ACTR3C: variants seen among roughly 807,000 people sequenced by gnomAD.
The protein encoded by ACTR3C is actin-related protein 3C.
ACTR3C carries 18 observed loss-of-function variants against 26.3 expected under a neutral mutation model. The ratio of observed to expected loss-of-function variants is 0.68; its 90% CI spans 0.47 to 1.01. The LOEUF is 1.01. Among genes scored for constraint, ACTR3C ranks in the 50% least tolerant of loss-of-function variants. The pLI is 0.00. For synonymous variants in ACTR3C, 55 were observed against 94.5 expected (o/e 0.58, Z 2.42); for missense variants, 184 against 250.7 (o/e 0.73, Z 1.80).
the ACTR3C span, among the ~76,000 whole-genome samples, chr7:149,931,014 C>A: frequency 0.065 from 8,206 of 126,906 alleles, no homozygotes; most frequent in African/African-American, 0.21. Context: ...TACAGGCACC[C>A]GCCACCATGC....
the ACTR3C span, among the ~76,000 whole-genome samples, chr7:150,100,524 C>G: frequency 6.6e-6 from 1 of 151,632 alleles, no homozygotes; most frequent in African/African-American, 2.4e-5. Context: ...CTGGTTCTGA[C>G]AATCATAAAA....
chr7:150,038,155 G>A, the ACTR3C span, among the ~76,000 whole-genome samples: 4 of 142,836 alleles, frequency 2.8e-5, no homozygotes, highest in Middle Eastern at 3.5e-3. Context: ...ATCACAAAAT[G>A]GGGGGCCTTT....
chr7:150,197,885 C>T, the ACTR3C span, among the ~76,000 whole-genome samples: 8 of 149,590 alleles, frequency 5.3e-5, no homozygotes, highest in Admixed American at 1.3e-4. Flanking sequence ...CCTCTCCCCA[C>T]GGTCTCCCTC....
chr7:150,016,673 C>T, the ACTR3C span, among the ~76,000 whole-genome samples: 38 of 152,126 alleles, frequency 2.5e-4, no homozygotes, highest in East Asian at 6.0e-3. Context: ...AACTTACAGA[C>T]GGAGGTATGA....
chr7:150,313,775 G>A (rs531781110), intron 1 of ACTR3C, among the ~76,000 whole-genome samples: 1 of 152,248 alleles, frequency 6.6e-6, no homozygotes, highest in African/African-American at 2.4e-5. Flanking sequence ...GTGTGTTATG[G>A]ATACACACAT....
the ACTR3C span, among the ~76,000 whole-genome samples, chr7:150,043,142 C>T: frequency 6.6e-6 from 1 of 150,966 alleles, no homozygotes; most frequent in Non-Finnish European, 1.5e-5. Context: ...TCCCGAGCTG[C>T]GTTCGGACCC....
the ACTR3C span, among the ~76,000 whole-genome samples, chr7:150,039,401 G>C: frequency 1.5e-3 from 97 of 64,614 alleles, 2 homozygotes; most frequent in African/African-American, 4.8e-3. Context: ...CGGGGGGGAA[G>C]AGGGACTGGC....
chr7:150,107,936 T>C, the ACTR3C span, among the ~76,000 whole-genome samples: 2 of 152,012 alleles, frequency 1.3e-5, no homozygotes, highest in Admixed American at 6.6e-5. Flanking sequence ...CATTTGGTCG[T>C]AGTGTCAATT....
the ACTR3C span, among the ~76,000 whole-genome samples, chr7:149,962,925 A>C: frequency 6.6e-6 from 1 of 152,216 alleles, no homozygotes; most frequent in Non-Finnish European, 1.5e-5. Context: ...CCCTGTGCAC[A>C]GTGGAAAACC....
chr7:150,148,513 A>G, the ACTR3C span, among the ~76,000 whole-genome samples: 1 of 152,118 alleles, frequency 6.6e-6, no homozygotes, highest in East Asian at 1.9e-4. Flanking sequence ...TGCCCACTTC[A>G]ATCTACTTGC....
the ACTR3C span, among the ~76,000 whole-genome samples, chr7:150,082,458 C>G: frequency 6.6e-6 from 1 of 152,108 alleles, no homozygotes; most frequent in African/African-American, 2.4e-5. Context: ...TGATCAGTGC[C>G]AAAGAAAGCA....
At chr7:150,095,272 C>T in the ACTR3C span, among the ~76,000 whole-genome samples, 2 of 149,784 alleles carry the variant, frequency 1.3e-5, no homozygotes, top group African/African-American at 2.5e-5. Context: ...AACCACCAAG[C>T]GTTCGACCTT....
the ACTR3C span, among the ~76,000 whole-genome samples, chr7:149,947,132 C>T: frequency 2.6e-5 from 4 of 151,520 alleles, no homozygotes; most frequent in South Asian, 4.2e-4. Context: ...GCCACTGCTC[C>T]GTCTTCTCTT....
chr7:150,077,052 C>T, the ACTR3C span, among the ~76,000 whole-genome samples: 2 of 152,020 alleles, frequency 1.3e-5, no homozygotes, highest in African/African-American at 4.8e-5. Context: ...GTAATTCCAG[C>T]TACTTGGGAG....
At chr7:150,257,491 C>T (rs566349539) in intron 6 of ACTR3C, among the ~76,000 whole-genome samples, 2 of 152,300 alleles carry the variant, frequency 1.3e-5, no homozygotes, top group East Asian at 3.9e-4. Flanking sequence ...GAAGGAAATG[C>T]TAATATAGCC....
chr7:150,312,320 T>C (rs1796397721), intron 1 of ACTR3C, among the ~76,000 whole-genome samples: 1 of 152,216 alleles, frequency 6.6e-6, no homozygotes, highest in African/African-American at 2.4e-5. Context: ...ATTTTACTTA[T>C]TATCTCTCCT....
At chr7:150,237,564 T>A in the ACTR3C span, among the ~76,000 whole-genome samples, 1 of 152,044 alleles carries the variant, frequency 6.6e-6, no homozygotes, top group East Asian at 1.9e-4. Context: ...ACCTTCCATA[T>A]CTCATAGGGT....
At chr7:150,321,616 T>C (rs1797523710) in intron 1 of ACTR3C, among the ~76,000 whole-genome samples, 1 of 152,190 alleles carries the variant, frequency 6.6e-6, no homozygotes, top group South Asian at 2.1e-4. Flanking sequence ...GGTTCACGCC[T>C]GTAGTCTTAG....
the ACTR3C span, among the ~76,000 whole-genome samples, chr7:150,011,760 A>C: frequency 3.5e-4 from 54 of 152,318 alleles, 1 homozygote; most frequent in African/African-American, 1.3e-3. Flanking sequence ...ACAACATCAC[A>C]GTTCCAGAAA....
Sources: gnomAD v4.1 joint callset for allele counts (sites outside exome capture counted in the v4.1 genomes callset) on GRCh38, gnomAD v4.1.1 for gene constraint, MANE v1.5 for transcripts, NCBI Gene and HGNC (gene_info 2026-07-23, HGNC 2026-07-21) for gene names.